VWA8: variants seen among roughly 807,000 people sequenced by gnomAD.
The protein encoded by VWA8 is von Willebrand factor A domain containing 8, also known as von Willebrand factor A domain-containing protein 8.
VWA8 carries 221 observed loss-of-function variants against 241.5 expected under a neutral mutation model. The ratio of observed to expected loss-of-function variants is 0.91; its 90% confidence interval spans 0.82 to 1.02. VWA8 has a LOEUF of 1.02. Among genes scored for constraint, VWA8 ranks in the 50% least tolerant of loss-of-function variants. The pLI is 0.00. For missense variants in VWA8, 2,322 were observed against 2,328.7 expected (o/e 1.00, Z 0.06); for synonymous variants, 852 against 827.1 (o/e 1.03, Z -0.52).
At chr13:41,629,026 C>T (rs750561746) in intron 37 of VWA8, among the ~76,000 whole-genome samples, 5 of 151,764 alleles carry the variant, frequency 3.3e-5, no homozygotes, top group Non-Finnish European at 7.4e-5. Context: ...GGCGACAGAG[C>T]GAGACTCCAT....
intron 17 of VWA8, among the ~76,000 whole-genome samples, chr13:41,793,907 C>T (rs1426890459): frequency 6.6e-6 from 1 of 152,272 alleles, no homozygotes; most frequent in South Asian, 2.1e-4. Flanking sequence ...AATCCTTTCC[C>T]CATTGTTTTC....
chr13:41,714,253 T>C (rs1038189227), intron 26 of VWA8, among the ~76,000 whole-genome samples: 5 of 152,012 alleles, frequency 3.3e-5, no homozygotes, highest in African/African-American at 1.2e-4. Flanking sequence ...TGTTAAATAA[T>C]AGCTAGTTTG....
At chr13:41,592,246 C>A (rs1346775529) in intron 40 of VWA8, among the ~76,000 whole-genome samples, 1 of 129,712 alleles carries the variant, frequency 7.7e-6, no homozygotes, top group African/African-American at 2.9e-5. Flanking sequence ...TATTCTCACT[C>A]ATAGGTGGGA....
chr13:41,881,878 G>A (rs377664436), intron 9 of VWA8, among the ~76,000 whole-genome samples: 19,055 of 144,152 alleles, frequency 0.13, 1,289 homozygotes, highest in Non-Finnish European at 0.17. Context: ...CCTCCCTCCC[G>A]GACGGGGCGG....
chr13:41,828,088 C>CA (rs1871257248), intron 14 of VWA8, among the ~76,000 whole-genome samples: 2 of 152,168 alleles, frequency 1.3e-5, no homozygotes, highest in African/African-American at 4.8e-5. Context: ...CCTAAACACT[C>CA]AACCAACCAT....
At chr13:41,625,786 T>A (rs1424552453) in intron 37 of VWA8, among the ~76,000 whole-genome samples, 1 of 151,842 alleles carries the variant, frequency 6.6e-6, no homozygotes, top group African/African-American at 2.4e-5. Context: ...TGAACACGTA[T>A]GTTTATTGCG....
chr13:41,706,679 C>A (rs981544797), intron 26 of VWA8, among the ~76,000 whole-genome samples: 2 of 152,174 alleles, frequency 1.3e-5, no homozygotes, highest in African/African-American at 4.8e-5. Context: ...GAAACATAAT[C>A]AACATTAATT....
chr13:41,898,122 G>A (rs1875217243), intron 4 of VWA8, among the ~76,000 whole-genome samples: 1 of 151,846 alleles, frequency 6.6e-6, no homozygotes. Context: ...GGTGCTGATT[G>A]GTGTGTTTAC....
At chr13:41,894,340 T>C (rs920886661) in intron 4 of VWA8, among the ~76,000 whole-genome samples, 2 of 152,240 alleles carry the variant, frequency 1.3e-5, no homozygotes, top group East Asian at 1.9e-4. Context: ...AGGTTTTTTT[T>C]CCATCTACTC....
intron 32 of VWA8, 92 bp downstream of exon 32, chr13:41,691,228 A>G: frequency 7.0e-7 from 1 of 1,427,994 alleles, no homozygotes; most frequent in Admixed American, 2.2e-5. Flanking sequence ...AAGGACAGAC[A>G]CAGGAAAGAC....
chr13:41,853,133 T>C (rs1002435623), intron 12 of VWA8, among the ~76,000 whole-genome samples: 2 of 152,170 alleles, frequency 1.3e-5, no homozygotes, highest in African/African-American at 4.8e-5. Flanking sequence ...TTTATTTCTT[T>C]TTCTTGCCTA....
chr13:41,623,504 T>C (rs2044670551), intron 37 of VWA8, among the ~76,000 whole-genome samples: 1 of 152,230 alleles, frequency 6.6e-6, no homozygotes, highest in Non-Finnish European at 1.5e-5. Context: ...GGGCAGAAGC[T>C]ACTGTCTTGA....
chr13:41,883,293 A>G, intron 9 of VWA8, 94 bp downstream of exon 9: 1 of 940,278 alleles, frequency 1.1e-6, no homozygotes, highest in Non-Finnish European at 1.6e-6. Flanking sequence ...AGAGAAAAAT[A>G]GGAAAGGTGG....
chr13:41,878,298 C>T (rs1462912287), intron 9 of VWA8, among the ~76,000 whole-genome samples: 1 of 151,800 alleles, frequency 6.6e-6, no homozygotes, highest in African/African-American at 2.4e-5. Context: ...TATATTTCAC[C>T]CACCTATAAA....
At chr13:41,654,366 T>C (rs1296105478) in intron 37 of VWA8, among the ~76,000 whole-genome samples, 1 of 152,156 alleles carries the variant, frequency 6.6e-6, no homozygotes, top group African/African-American at 2.4e-5. Flanking sequence ...ATGGGACAAA[T>C]TGACATCATG....
At position 41,927,376 on chromosome 13, in the gene VWA8, A is replaced by T. The variant is rs192518106; in HGVS notation, c.242-15208T>A. The T allele has an allele frequency of 1.2e-5, 6 of 517,658 alleles. No homozygotes were observed. In the East Asian group the frequency reaches 3.3e-4, roughly 28 times the overall value. The allele number at this position is 517,658 out of a possible 1,614,324, so 32.1% of individuals were successfully genotyped here. A position where few individuals can be genotyped will look rare whatever the true frequency, so the allele number is the denominator to read the frequency against. On this transcript the variant is annotated intron_variant, in intron 2 of 44. Transcript: ENST00000379310. ...GAAAATAATAATTGCAAGTTGTATA[A>T]GTCAAGCATCTTTGCACATCTGCAA...
intron 2 of VWA8, among the ~76,000 whole-genome samples, chr13:41,918,393 A>G (rs1312296968): frequency 6.6e-6 from 1 of 152,224 alleles, no homozygotes; most frequent in Admixed American, 6.5e-5. Context: ...ATAATTATAC[A>G]TATCCATATT....
chr13:41,944,108 A>AAAT (rs3074010), intron 2 of VWA8, among the ~76,000 whole-genome samples: 34,800 of 146,404 alleles, frequency 0.24, 4,165 homozygotes, highest in Middle Eastern at 0.29. Context: ...CTGTCTCAAA[A>AAAT]AATAATAATA....
chr13:41,617,118 AT>A (rs901324222), intron 37 of VWA8, among the ~76,000 whole-genome samples: 79 of 147,606 alleles, frequency 5.4e-4, no homozygotes, highest in South Asian at 1.7e-3. Flanking sequence ...TGGAGATACT[AT>A]TTTTTTTTTT....
Sources: gnomAD v4.1 joint callset for allele counts (sites outside exome capture counted in the v4.1 genomes callset) on GRCh38, gnomAD v4.1.1 for gene constraint, MANE v1.5 for transcripts, NCBI Gene and HGNC (gene_info 2026-07-23, HGNC 2026-07-21) for gene names.